The following SCOC variants were observed in gnomAD, a reference collection of about 807,000 sequenced individuals.
SCOC encodes short coiled coil protein.
A neutral mutation model predicts 9.9 loss-of-function variants in SCOC; 7 were observed. The ratio of observed to expected loss-of-function variants is 0.71; its 90% CI spans 0.40 to 1.33. The LOEUF is 1.33. Among genes scored for constraint, SCOC ranks in the 40% most tolerant of loss-of-function variants. SCOC has a pLI of 0.01. For synonymous variants in SCOC, 19 were observed against 28.2 expected (o/e 0.67, Z 1.03); for missense variants, 66 against 89.7 (o/e 0.74, Z 1.07).
intron 2 of SCOC, among the ~76,000 whole-genome samples, chr4:140,362,256 G>GCTAAAGA (rs1727526555): frequency 1.3e-5 from 1 of 79,014 alleles, no homozygotes; most frequent in South Asian, 6.2e-4. Flanking sequence ...CTAAAGACCG[G>GCTAAAGA]CTAAAGACAG....
chr4:140,305,465 C>A (rs894482971), intron 1 of SCOC, among the ~76,000 whole-genome samples: 14 of 152,184 alleles, frequency 9.2e-5, no homozygotes, highest in African/African-American at 3.4e-4. Context: ...CCTTAAAATT[C>A]TATTGGCCAA....
intron 1 of SCOC, among the ~76,000 whole-genome samples, chr4:140,378,917 T>TATTTTTTG (rs1728455781): frequency 6.6e-6 from 1 of 152,202 alleles, no homozygotes; most frequent in African/African-American, 2.4e-5. Context: ...GGTATTTATG[T>TATTTTTTG]ATTTTTTGAT....
At chr4:140,263,939 T>A (rs901358594) in intron 1 of SCOC, among the ~76,000 whole-genome samples, 2 of 152,182 alleles carry the variant, frequency 1.3e-5, no homozygotes, top group African/African-American at 2.4e-5. Context: ...CCTAGACCTA[T>A]CAGTAGGAAA....
At chr4:140,337,825 A>G (rs1477780879) in intron 1 of SCOC, among the ~76,000 whole-genome samples, 3 of 152,286 alleles carry the variant, frequency 2.0e-5, no homozygotes, top group Non-Finnish European at 2.9e-5. Flanking sequence ...CAACCAAAAA[A>G]AGTCCGGGAC....
At chr4:140,320,716 C>T (rs925946819) in intron 1 of SCOC, among the ~76,000 whole-genome samples, 1 of 152,172 alleles carries the variant, frequency 6.6e-6, no homozygotes, top group African/African-American at 2.4e-5. Context: ...GATACATTCC[C>T]TTCATCTTCC....
intron 1 of SCOC, among the ~76,000 whole-genome samples, chr4:140,309,508 T>C (rs969379965): frequency 1.3e-5 from 2 of 152,152 alleles, no homozygotes; most frequent in Non-Finnish European, 2.9e-5. Context: ...CATCCTGTAC[T>C]CTGGCCACCT....
chr4:140,330,837 T>C (rs1455209068), intron 1 of SCOC, among the ~76,000 whole-genome samples: 1 of 152,224 alleles, frequency 6.6e-6, no homozygotes, highest in East Asian at 1.9e-4. Context: ...GAGAGTTGAG[T>C]GCTGGCAGTT....
At chr4:140,330,957 T>C (rs1732800902) in intron 1 of SCOC, among the ~76,000 whole-genome samples, 1 of 152,174 alleles carries the variant, frequency 6.6e-6, no homozygotes, top group Non-Finnish European at 1.5e-5. Context: ...ATATGCAAAT[T>C]AGGAAAAGGC....
intron 1 of SCOC, among the ~76,000 whole-genome samples, chr4:140,265,938 C>T (rs1560674078): frequency 1.3e-5 from 2 of 152,300 alleles, no homozygotes; most frequent in East Asian, 3.9e-4. Context: ...GGTGGAAAGA[C>T]TAAGGCAGCC....
chr4:140,362,307 T>TCC (rs1367879973), intron 2 of SCOC, among the ~76,000 whole-genome samples: 1 of 67,656 alleles, frequency 1.5e-5, no homozygotes, highest in Non-Finnish European at 3.5e-5. Context: ...TTCTTTTTTT[T>TCC]TTTTTTTTGT....
intron 2 of SCOC, among the ~76,000 whole-genome samples, chr4:140,362,271 G>GTTTCTTCTTCTTC (rs1470478098): frequency 3.7e-5 from 1 of 27,338 alleles, no homozygotes; most frequent in Non-Finnish European, 7.4e-5. Flanking sequence ...AGACAGGTGT[G>GTTTCTTCTTCTTC]TCCTTACTTC....
At chr4:140,372,761 C>T (rs1728109063), upstream of SCOC, among the ~76,000 whole-genome samples, 1 of 152,152 alleles carries the variant, frequency 6.6e-6, no homozygotes, top group Admixed American at 6.5e-5. Context: ...GGAGGCTGTG[C>T]CAAAGCCAAA....
At chr4:140,270,559 ATTG>A (rs1560675912) in intron 1 of SCOC, among the ~76,000 whole-genome samples, 1 of 151,914 alleles carries the variant, frequency 6.6e-6, no homozygotes, top group African/African-American at 2.4e-5. Context: ...TGGTACTGGG[ATTG>A]GATAGTTTGA....
chr4:140,315,964 GA>G (rs1205445310), intron 1 of SCOC, among the ~76,000 whole-genome samples: 2 of 152,094 alleles, frequency 1.3e-5, no homozygotes, highest in Non-Finnish European at 2.9e-5. Context: ...CCAGAAATAA[GA>G]AAATAAGTCC....
Position 140,333,372 on chromosome 4 carries a change from T to C in SCOC, c.-18-10249T>C, listed in dbSNP as rs139893763. On this transcript the variant is annotated intron_variant, in intron 1 of 4. Transcript: ENST00000394205. ...TGTGGTATATATATTTGTATATACA[T>C]ATAATGTATATATTTGAATACACAT... 1.2e-4 allele frequency among the ~76,000 whole-genome samples: 19 copies of C among 152,298 alleles called. No homozygotes were observed. The East Asian group carries it at 3.1e-3, about 25-fold the overall frequency.
At chr4:140,267,823 G>T (rs1730762877) in intron 1 of SCOC, among the ~76,000 whole-genome samples, 1 of 152,114 alleles carries the variant, frequency 6.6e-6, no homozygotes, top group Admixed American at 6.6e-5. Flanking sequence ...TCCATCCCTT[G>T]TGTAATTGAT....
chr4:140,340,250 T>G (rs148754941), upstream of SCOC, among the ~76,000 whole-genome samples: 4,214 of 150,414 alleles, frequency 0.028, 198 homozygotes, highest in African/African-American at 0.098. Context: ...AATTGAACAA[T>G]GAGAACACAT....
intron 2 of SCOC, among the ~76,000 whole-genome samples, chr4:140,351,849 G>C (rs1279877267): frequency 6.6e-6 from 1 of 152,068 alleles, no homozygotes; most frequent in Non-Finnish European, 1.5e-5. Context: ...TAGACTTGTG[G>C]CTCCCCAGCT....
intron 1 of SCOC, among the ~76,000 whole-genome samples, chr4:140,305,738 G>A (rs1304196084): frequency 6.6e-6 from 1 of 152,140 alleles, no homozygotes; most frequent in Non-Finnish European, 1.5e-5. Context: ...TCTGCAATTG[G>A]GAGCTCACGA....
Sources: allele counts gnomAD v4.1 joint callset (sites outside exome capture counted in the v4.1 genomes callset), GRCh38; gene constraint gnomAD v4.1.1; transcripts MANE v1.5; gene names NCBI Gene and HGNC (gene_info 2026-07-23, HGNC 2026-07-21).